The following CYB5B variants were observed in gnomAD, a reference collection of about 807,000 sequenced individuals.
CYB5B encodes cytochrome b5 type B (outer mitochondrial membrane).
A neutral mutation model predicts 21.3 loss-of-function variants in CYB5B; 14 were observed. That is an observed-to-expected ratio of 0.66 (90% CI 0.43 to 1.03). The LOEUF (loss-of-function observed/expected upper bound fraction) is 1.03, where lower values mean the gene tolerates loss of function less well. Ranked by LOEUF, CYB5B falls within the 50% of genes least tolerant of loss-of-function variation. The pLI is 0.00. For synonymous variants in CYB5B, 69 were observed against 68.4 expected (o/e 1.01, Z -0.04); for missense variants, 166 against 185.1 (o/e 0.90, Z 0.60).
chr16:69,447,364 G>A (rs2014888275), intron 2 of CYB5B, 86 bp downstream of exon 2: 1 of 1,522,256 alleles, frequency 6.6e-7, no homozygotes, highest in Non-Finnish European at 8.8e-7. Context: ...ATTATTGGCT[G>A]GGCGTGGTGG....
chr16:69,439,336 G>A (rs1183904188), intron 1 of CYB5B, among the ~76,000 whole-genome samples: 2 of 151,848 alleles, frequency 1.3e-5, no homozygotes, highest in East Asian at 1.9e-4. Flanking sequence ...TCAGCCTCCC[G>A]AATAGCTGGG....
intron 1 of CYB5B, among the ~76,000 whole-genome samples, chr16:69,426,090 G>A (rs1466889332): frequency 6.6e-6 from 1 of 152,138 alleles, no homozygotes; most frequent in Non-Finnish European, 1.5e-5. Flanking sequence ...ATGGTGTATG[G>A]CATTTTATGC....
chr16:69,450,175 A>G (rs1336233626), intron 3 of CYB5B: 1 of 147,468 alleles, frequency 6.8e-6, no homozygotes, highest in Non-Finnish European at 1.5e-5. Flanking sequence ...AGCCATGGTA[A>G]CACCATTGCA....
chr16:69,430,238 A>G lies in CYB5B; in HGVS notation c.174+5381A>G, dbSNP rs576260914. Among the ~76,000 whole-genome samples, 11 of 151,286 alleles carry G rather than the reference A, an allele frequency of 7.3e-5. No homozygotes were observed. The South Asian group carries it at 8.3e-4, about 11-fold the overall frequency. On this transcript the variant is annotated intron_variant, in intron 1 of 4. Transcript: ENST00000307892. The stretch of plus-strand genomic sequence containing the variant: ...ATGTATTTTTTTTTCTTTTTTTTGG[A>G]GACAGTCTGGCTCTGTTGTCCAGGC...
At position 69,438,121 on chromosome 16, in the gene CYB5B, A is replaced by G. The variant is rs887332478; in HGVS notation, c.175-9029A>G. Among the ~76,000 whole-genome samples, 6 of 152,090 alleles carry G rather than the reference A, an allele frequency of 3.9e-5. No individual in the cohort carries two copies. In the East Asian group the frequency reaches 1.2e-3, roughly 29 times the overall value. Reference sequence around the variant, plus strand: ...ACAGTTCTATTTTTTGTTTTTATCAATTTGACTACTCTAGAATATAAATGG... The same window carrying G: ...ACAGTTCTATTTTTTGTTTTTATCAGTTTGACTACTCTAGAATATAAATGG... On this transcript the variant is annotated intron_variant, in intron 1 of 4. Coordinates refer to ENST00000307892, the MANE Select transcript of CYB5B (RefSeq NM_030579.3).
At chr16:69,450,410 C>CTGTA (rs2014921288) in intron 3 of CYB5B, among the ~76,000 whole-genome samples, 1 of 152,138 alleles carries the variant, frequency 6.6e-6, no homozygotes, top group South Asian at 2.1e-4. Context: ...CCTCATGTCA[C>CTGTA]TGTACTCAAG....
intron 1 of CYB5B, 150 bp downstream of exon 1, chr16:69,425,007 G>A: frequency 1.3e-6 from 1 of 773,220 alleles, no homozygotes; most frequent in Non-Finnish European, 1.9e-6. Context: ...ACTGGGGTGG[G>A]ATTGGGGGAG....
At chr16:69,439,531 T>G (rs1042590988) in intron 1 of CYB5B, among the ~76,000 whole-genome samples, 1 of 151,572 alleles carries the variant, frequency 6.6e-6, no homozygotes, top group Non-Finnish European at 1.5e-5. Context: ...TAATTGTATT[T>G]TACTTAAAAG....
chr16:69,453,825 C>T (rs1314408859), intron 3 of CYB5B, among the ~76,000 whole-genome samples: 2 of 152,150 alleles, frequency 1.3e-5, no homozygotes, highest in African/African-American at 4.8e-5. Context: ...TCTCAAAGTG[C>T]TGGGATTACA....
At chr16:69,425,391 C>T (rs1219214316) in intron 1 of CYB5B, among the ~76,000 whole-genome samples, 1 of 151,948 alleles carries the variant, frequency 6.6e-6, no homozygotes, top group Non-Finnish European at 1.5e-5. Context: ...GACCTTGAGG[C>T]CAGAAACTCA....
At chr16:69,427,301 T>A (rs2142806678) in intron 1 of CYB5B, among the ~76,000 whole-genome samples, 1 of 152,294 alleles carries the variant, frequency 6.6e-6, no homozygotes, top group East Asian at 1.9e-4. Context: ...TTTTTCTTGA[T>A]TGATTCAGAA....
chr16:69,461,005 C>CT (rs2015029946), intron 4 of CYB5B, among the ~76,000 whole-genome samples: 1 of 152,122 alleles, frequency 6.6e-6, no homozygotes, highest in Admixed American at 6.5e-5. Context: ...CAACCATTCT[C>CT]AGTCTTTTGT....
At chr16:69,461,202 CA>C (rs548563223) in intron 4 of CYB5B, among the ~76,000 whole-genome samples, 209 of 123,648 alleles carry the variant, frequency 1.7e-3, no homozygotes, top group Non-Finnish European at 1.8e-3. Context: ...GACTCCGTCT[CA>C]AAAAAAAAAA....
rs2014624516 is a variant in CYB5B at position 69,424,768 on chromosome 16, T to C, written c.85T>C (p.Leu29=). ...CGAGACCTCAGTCACCTATTACCGG[T>C]TGGAGGAGGTGGCAAAGCGCAACTC... ...EVETSVTYYR[L]EEVAKRNSLK... The change falls in exon 1 of 5, where the codon TTG becomes CTG. Residue 29 remains leucine (L), a synonymous_variant. Coordinates refer to ENST00000307892, the MANE Select transcript of CYB5B (RefSeq NM_030579.3). The C allele has an allele frequency of 1.2e-6, 2 of 1,604,960 alleles. No homozygotes were observed. Among genetic ancestry groups the C allele is most frequent in the Non-Finnish European group, 1.7e-6 (2 of 1,175,906 alleles).
chr16:69,434,032 C>A (rs1256593700), intron 1 of CYB5B, among the ~76,000 whole-genome samples: 1 of 152,170 alleles, frequency 6.6e-6, no homozygotes, highest in Non-Finnish European at 1.5e-5. Flanking sequence ...GGACCACCAT[C>A]ATATATATGG....
At chr16:69,449,323 G>C (rs1477016192) in intron 3 of CYB5B, 4 of 151,876 alleles carry the variant, frequency 2.6e-5, no homozygotes, top group African/African-American at 9.7e-5. Context: ...ATCATTTTTT[G>C]TTGTTGCTTA....
At chr16:69,449,190 A>G (rs756457576) in intron 3 of CYB5B, 9 of 151,784 alleles carry the variant, frequency 5.9e-5, no homozygotes, top group Non-Finnish European at 1.0e-4. Flanking sequence ...TAACACATGT[A>G]CTATCCATTC....
At chr16:69,447,027 C>G in intron 1 of CYB5B, 123 bp from the exon 2 acceptor site, 1 of 1,201,788 alleles carries the variant, frequency 8.3e-7, no homozygotes, top group Non-Finnish European at 1.2e-6. Flanking sequence ...TCAGGCACCA[C>G]ACAATGTCAA....
chr16:69,429,509 A>G (rs1235851805), intron 1 of CYB5B, among the ~76,000 whole-genome samples: 1 of 152,152 alleles, frequency 6.6e-6, no homozygotes, highest in East Asian at 1.9e-4. Flanking sequence ...CTAGCTAGAC[A>G]CAAAAGTTTG....
Sources: gnomAD v4.1 joint callset for allele counts (sites outside exome capture counted in the v4.1 genomes callset) on GRCh38, gnomAD v4.1.1 for gene constraint, MANE v1.5 for transcripts, NCBI Gene and HGNC (gene_info 2026-07-23, HGNC 2026-07-21) for gene names.